TOM1: variants seen among roughly 807,000 people sequenced by gnomAD.
TOM1 encodes target of myb1 membrane trafficking protein, also known as target of Myb protein 1.
In TOM1, 38 loss-of-function variants were observed where a neutral mutation model predicts 61.3. The ratio of observed to expected loss-of-function variants is 0.62; its 90% confidence interval spans 0.48 to 0.81. The LOEUF (loss-of-function observed/expected upper bound fraction) is 0.81. Ranked by LOEUF, TOM1 falls within the 40% of genes least tolerant of loss-of-function variation. TOM1 has a pLI of 0.00. For missense variants in TOM1, 591 were observed against 659.6 expected (o/e 0.90, Z 1.14); for synonymous variants, 270 against 268.8 (o/e 1.00, Z -0.04).
intron 11 of TOM1, among the ~76,000 whole-genome samples, chr22:35,335,246 G>C (rs1201840216): frequency 2.0e-5 from 3 of 152,150 alleles, no homozygotes; most frequent in African/African-American, 7.2e-5. Flanking sequence ...TCTAGATTAT[G>C]GGATCTTCCC....
chr22:35,343,050 T>G (rs1373537694), intron 12 of TOM1, among the ~76,000 whole-genome samples: 1 of 103,432 alleles, frequency 9.7e-6, no homozygotes, highest in African/African-American at 3.9e-5. Flanking sequence ...ACACCACACC[T>G]CCACTCATAC....
chr22:35,326,298 A>G (rs946102072), intron 6 of TOM1, among the ~76,000 whole-genome samples: 3 of 152,200 alleles, frequency 2.0e-5, no homozygotes, highest in African/African-American at 7.2e-5. Context: ...AAGCTTTCAG[A>G]CTGATCTTTT....
Position 35,323,193 on chromosome 22 carries a change from G to A in TOM1, c.366+16G>A, listed in dbSNP as rs905359693. 5.6e-6 allele frequency: 9 copies of A among 1,612,604 alleles called. No homozygotes were observed. The highest frequency in any genetic ancestry group is 1.3e-5 in the African/African-American group (1 of 75,040). ...CCTCATCCAGGTGAGTGCCAGGACAGGGCAGGGCACGGCCAGGAAGAGCTG... is the reference window on the plus strand; with the variant it reads ...CCTCATCCAGGTGAGTGCCAGGACAAGGCAGGGCACGGCCAGGAAGAGCTG... On this transcript the variant is annotated intron_variant, in intron 4 of 14. Coordinates refer to ENST00000449058, the MANE Select transcript of TOM1 (RefSeq NM_005488.3). The surrounding 1 kb of genome is among the most constrained non-coding windows in gnomAD (Gnocchi z 4.2).
intron 12 of TOM1, among the ~76,000 whole-genome samples, chr22:35,342,327 G>C (rs1929941202): frequency 1.3e-5 from 2 of 152,078 alleles, no homozygotes; most frequent in South Asian, 4.1e-4. Context: ...ATGCTGGTCT[G>C]AGTAGGGTGA....
At chr22:35,334,237 C>T in intron 10 of TOM1, 91 bp from the exon 11 acceptor site, 2 of 1,521,740 alleles carry the variant, frequency 1.3e-6, no homozygotes, top group Non-Finnish European at 8.8e-7. Flanking sequence ...TTCCCCAGCA[C>T]CAAGCCCTGG....
chr22:35,335,225 C>A (rs762519557), intron 11 of TOM1, among the ~76,000 whole-genome samples: 2 of 152,176 alleles, frequency 1.3e-5, no homozygotes, highest in African/African-American at 4.8e-5. Flanking sequence ...ATTCTTATAG[C>A]TAAGGAAAGT....
chr22:35,333,596 G>A lies in TOM1; in HGVS notation c.1027+99G>A, dbSNP rs1929025682. ...GCCCTTGTTATATACCCACAGCAGAGTGTCAGTCTGGACCCCACCTTGCTG... is the reference window on the plus strand; with the variant it reads ...GCCCTTGTTATATACCCACAGCAGAATGTCAGTCTGGACCCCACCTTGCTG... On this transcript the variant is annotated intron_variant, in intron 10 of 14. Transcript: ENST00000449058. 3 of 1,077,916 alleles carry A rather than the reference G, an allele frequency of 2.8e-6. No individual in the cohort carries two copies. In the South Asian group the frequency reaches 4.1e-5, roughly 15 times the overall value. The allele number at this position is 1,077,916 out of a possible 1,614,324, so 66.8% of individuals were successfully genotyped here.
intron 1 of TOM1, among the ~76,000 whole-genome samples, chr22:35,313,916 A>G (rs1927058936): frequency 6.6e-6 from 1 of 152,216 alleles, no homozygotes; most frequent in African/African-American, 2.4e-5. Context: ...GAGGCCCTTG[A>G]AGGTTACAGC....
intron 13 of TOM1, among the ~76,000 whole-genome samples, chr22:35,346,300 C>T (rs1013327815): frequency 6.6e-6 from 1 of 152,264 alleles, no homozygotes; most frequent in Non-Finnish European, 1.5e-5. Context: ...TCAGCTTCTC[C>T]GTCCAGGGCT....
rs142594671 is a variant in TOM1, at chr22:35,328,808, G to A, written c.765+1421G>A. ...GCCTCCAGGAGAAAGGCGTGCTGGC[G>A]TGAGGCCACAGTCGGCAATGCCGGG... On this transcript the variant is annotated intron_variant, in intron 7 of 14. Transcript: ENST00000449058. 4.9e-3 allele frequency among the ~76,000 whole-genome samples: 740 copies of A among 152,336 alleles called. 8 individuals are homozygous for A. Among genetic ancestry groups the A allele is most frequent in the African/African-American group, 0.017 (715 of 41,574 alleles).
intron 1 of TOM1, among the ~76,000 whole-genome samples, chr22:35,305,413 G>A (rs1414613861): frequency 6.6e-6 from 1 of 152,220 alleles, no homozygotes; most frequent in East Asian, 1.9e-4. Flanking sequence ...TGTAATCCCA[G>A]CACGTTGGGA....
chr22:35,323,932 C>G lies in TOM1; in HGVS notation c.648+18C>G. 1 of 1,534,788 alleles carries G rather than the reference C, an allele frequency of 6.5e-7. No homozygotes were observed. The highest frequency in any genetic ancestry group is 8.8e-7 in the Non-Finnish European group (1 of 1,138,390). On this transcript the variant is annotated intron_variant, in intron 6 of 14. Coordinates refer to ENST00000449058, the MANE Select transcript of TOM1 (RefSeq NM_005488.3). The surrounding 1 kb of genome is among the most constrained non-coding windows in gnomAD (Gnocchi z 4.2). ...CGGAACAGGTAAACGAGCCTGGGGT[C>G]AGAACCGTCAGGTCCAGGCAGGTGG...
At chr22:35,322,928 GGC>G in intron 3 of TOM1, 98 bp from the exon 4 acceptor site, 1 of 1,413,084 alleles carries the variant, frequency 7.1e-7, no homozygotes. Flanking sequence ...TCCTCTCCCG[GGC>G]CTCCTCTCTG....
intron 1 of TOM1, among the ~76,000 whole-genome samples, chr22:35,310,763 G>A (rs367650449): frequency 6.6e-6 from 1 of 152,180 alleles, no homozygotes; most frequent in East Asian, 1.9e-4. Context: ...GTCCCATCTG[G>A]GGTAGACAGT....
intron 1 of TOM1, among the ~76,000 whole-genome samples, chr22:35,312,491 C>T (rs2145626114): frequency 6.6e-6 from 1 of 152,340 alleles, no homozygotes; most frequent in East Asian, 1.9e-4. Flanking sequence ...CACATAGCAT[C>T]GTGGTTATGA....
Position 35,343,437 on chromosome 22 carries a change from A to G in TOM1, c.1225-2288A>G, listed in dbSNP as rs574998452. Among the ~76,000 whole-genome samples, 269 of 137,870 alleles carry G rather than the reference A, an allele frequency of 2.0e-3. 2 individuals carry two copies. The highest frequency in any genetic ancestry group is 7.3e-3 in the African/African-American group (264 of 36,014). 90.4% of individuals were successfully genotyped at this position (137,870 alleles called of 152,430 possible). A position where few individuals can be genotyped will look rare whatever the true frequency, so the allele number is the denominator to read the frequency against. On this transcript the variant is annotated intron_variant, in intron 12 of 14. Coordinates refer to ENST00000449058, the MANE Select transcript of TOM1 (RefSeq NM_005488.3). Reference sequence around the variant, plus strand: ...ACACACACCACACACACATATCTACACCCACCACACACACCTACACACACA... The same window carrying G: ...ACACACACCACACACACATATCTACGCCCACCACACACACCTACACACACA...
chr22:35,322,126 C>G, intron 3 of TOM1, 89 bp downstream of exon 3: 1 of 1,178,534 alleles, frequency 8.5e-7, no homozygotes, highest in Non-Finnish European at 1.3e-6. Flanking sequence ...CCAGCCTCCT[C>G]TGAGCTCCTC....
rs1310266334 is a variant in TOM1, at chr22:35,345,222, T to C, written c.1225-503T>C. The C allele has an allele frequency of 4.5e-5, 8 of 179,450 alleles. No individual in the cohort carries two copies. The South Asian group carries it at 6.4e-4, about 14-fold the overall frequency. The allele number at this position is 179,450 out of a possible 1,614,324, so 11.1% of individuals were successfully genotyped here. On this transcript the variant is annotated intron_variant, in intron 12 of 14. Coordinates refer to ENST00000449058, the MANE Select transcript of TOM1 (RefSeq NM_005488.3). ...TCAGGCCCTGCTATGCCCCCTTCTATCATGAAATCTGCGTCTGCAGAGACA... is the reference window on the plus strand; with the variant it reads ...TCAGGCCCTGCTATGCCCCCTTCTACCATGAAATCTGCGTCTGCAGAGACA...
rs149137970 is a variant in TOM1, at chr22:35,301,243, TAC to T, written c.52+1276_52+1277del. Reference sequence around the variant, plus strand: ...GCCCATCTCTTGAAACACATACACATACACACACACACACGCACACATATATA... The same window carrying T: ...GCCCATCTCTTGAAACACATACACATACACACACACACGCACACATATATA... On this transcript the variant is annotated intron_variant, in intron 1 of 14. Transcript: ENST00000449058. Among the ~76,000 whole-genome samples, 11 of 150,686 alleles carry T rather than the reference TAC, an allele frequency of 7.3e-5. No individual in the cohort carries two copies. The South Asian group carries it at 1.1e-3, about 14-fold the overall frequency.
Sources: allele counts gnomAD v4.1 joint callset (sites outside exome capture counted in the v4.1 genomes callset), GRCh38; gene constraint gnomAD v4.1.1; non-coding constraint Gnocchi (gnomAD v3.1); transcripts MANE v1.5; gene names NCBI Gene and HGNC (gene_info 2026-07-23, HGNC 2026-07-21).